The following DYNC2LI1 variants were observed in gnomAD, a reference collection of about 807,000 sequenced individuals.
DYNC2LI1 encodes dynein cytoplasmic 2 light intermediate chain 1.
DYNC2LI1 carries 45 observed loss-of-function variants against 51.9 expected under a neutral mutation model. The ratio of observed to expected loss-of-function variants is 0.87; its 90% CI spans 0.68 to 1.11. The LOEUF is 1.11. DYNC2LI1 is among the 50% of genes most tolerant of loss of function. The probability of loss-of-function intolerance (pLI) is 0.00; values close to 1 mark genes in which losing one functional copy is unlikely to be tolerated. For missense variants in DYNC2LI1, 490 were observed against 417.4 expected (o/e 1.17, Z -1.51); for synonymous variants, 130 against 137.8 (o/e 0.94, Z 0.40).
At chr2:43,796,843 TG>T (rs1665878202) in intron 8 of DYNC2LI1, 48 bp downstream of exon 8, 4 of 1,486,102 alleles carry the variant, frequency 2.7e-6, no homozygotes, top group Non-Finnish European at 3.7e-6. Flanking sequence ...GTACCAAATT[TG>T]GGGAAATCAG....
the DYNC2LI1 span, chr2:43,824,640 A>C: frequency 7.1e-6 from 7 of 985,274 alleles, no homozygotes; most frequent in African/African-American, 1.2e-4. Context: ...GAGAATTCAG[A>C]AGCTCAGCTA....
rs894464290 is a variant in DYNC2LI1 at position 43,786,794 on chromosome 2, C to G, written c.162-387C>G. Among the ~76,000 whole-genome samples the G allele has an allele frequency of 2.6e-5, 4 of 152,242 alleles. No homozygotes were observed. The South Asian group carries it at 8.3e-4, about 32-fold the overall frequency. The stretch of plus-strand genomic sequence containing the variant: ...TGAGCCAAGATCGTGCCACTGCACT[C>G]CAGCCTGGGCGACAAAGCAAGACTC... On this transcript the variant is annotated intron_variant, in intron 3 of 12. Coordinates refer to ENST00000260605, the MANE Select transcript of DYNC2LI1 (RefSeq NM_016008.4).
chr2:43,813,216 C>G (rs374012053), downstream of DYNC2LI1: 46 of 1,611,330 alleles, frequency 2.9e-5, no homozygotes, highest in East Asian at 8.7e-4. Context: ...CATTGTGAAT[C>G]TAGATGTTGC....
the DYNC2LI1 span, among the ~76,000 whole-genome samples, chr2:43,822,305 C>G: frequency 6.6e-6 from 1 of 152,172 alleles, no homozygotes; most frequent in Non-Finnish European, 1.5e-5. Context: ...GTGTTTATGA[C>G]ACTTCCTTGA....
At chr2:43,777,909 C>T (rs750424307) in intron 2 of DYNC2LI1, among the ~76,000 whole-genome samples, 2 of 152,124 alleles carry the variant, frequency 1.3e-5, no homozygotes, top group Non-Finnish European at 2.9e-5. Flanking sequence ...AAAAGCAGGA[C>T]ACAAGTGTCA....
At chr2:43,825,115 T>G in the DYNC2LI1 span, 2 of 1,452,818 alleles carry the variant, frequency 1.4e-6, no homozygotes, top group Non-Finnish European at 9.5e-7. Flanking sequence ...AGGTCAGGTA[T>G]TCCTTATGGT....
At position 43,804,119 on chromosome 2, in the gene DYNC2LI1, T is replaced by C. The variant is rs577436754; in HGVS notation, c.803-523T>C. Among the ~76,000 whole-genome samples the C allele has an allele frequency of 4.9e-4, 75 of 152,348 alleles. 1 individual carries two copies. The highest frequency in any genetic ancestry group is 1.5e-3 in the South Asian group (7 of 4,824). ...TATTATTCAGTACCTTTTAATTCAA[T>C]ATACCAATATACCTTAGTAGTTTTT... On this transcript the variant is annotated intron_variant, in intron 10 of 12. Coordinates refer to ENST00000260605, the MANE Select transcript of DYNC2LI1 (RefSeq NM_016008.4).
Position 43,789,659 on chromosome 2 carries a change from A to T in DYNC2LI1, c.258A>T (p.Glu86Asp). The T allele has an allele frequency of 6.2e-7, 1 of 1,613,938 alleles. No individual in the cohort carries two copies. Among genetic ancestry groups the T allele is most frequent in the Non-Finnish European group, 8.5e-7 (1 of 1,179,914 alleles). The change falls in exon 5 of 13, where the codon GAA becomes GAT. Residue 86 changes from glutamate to aspartate, a missense_variant. Physicochemically the swap from Glu to Asp is conservative, Grantham distance 45. Coordinates refer to ENST00000260605, the MANE Select transcript of DYNC2LI1 (RefSeq NM_016008.4). ...CAAAAGATATCGCTCACTTTTGGGA[A>T]CTCGGTGGAGGAACCTCTTTATTGG... ...NTPKDIAHFW[E>D]LGGGTSLLDL... is the part of the protein sequence containing the mutation.
intron 1 of DYNC2LI1, chr2:43,775,703 T>G: frequency 2.6e-6 from 1 of 389,250 alleles, no homozygotes; most frequent in Non-Finnish European, 5.0e-6. Context: ...TTTTTTTTTT[T>G]TTTAGACAGA....
At chr2:43,824,961 C>G in the DYNC2LI1 span, 1 of 1,614,044 alleles carries the variant, frequency 6.2e-7, no homozygotes, top group Non-Finnish European at 8.5e-7. Flanking sequence ...AGCATTTCCG[C>G]TGGCGTGCCA....
chr2:43,805,044 A>G, intron 11 of DYNC2LI1, 110 bp from the exon 12 acceptor site: 1 of 695,170 alleles, frequency 1.4e-6, no homozygotes, highest in Non-Finnish European at 2.5e-6. Flanking sequence ...GAAAGATCAT[A>G]GAGAGCCTTT....
In DYNC2LI1 at chr2:43,789,679, T is replaced by C. The variant is rs1405995235; in HGVS notation, c.278T>C (p.Leu93Ser). Residue 93 changes from leucine (L) to serine (S), a missense_variant, in exon 5 of 13, where the codon TTA becomes TCA. Transcript: ENST00000260605. Reference protein sequence around the residue: ...HFWELGGGTSLLDLISIPITG... With the variant: ...HFWELGGGTSSLDLISIPITG... ...TGGGAACTCGGTGGAGGAACCTCTT[T>C]ATTGGACTTAATCAGCATACCCATC... The C allele has an allele frequency of 6.2e-6, 10 of 1,613,868 alleles. No individual in the cohort carries two copies. Among genetic ancestry groups the C allele is most frequent in the African/African-American group, 2.7e-5 (2 of 74,924 alleles).
chr2:43,790,426 G>C (rs1324828496), intron 5 of DYNC2LI1, among the ~76,000 whole-genome samples: 1 of 152,134 alleles, frequency 6.6e-6, no homozygotes, highest in Non-Finnish European at 1.5e-5. Flanking sequence ...AATACAAAGG[G>C]CTTGACAATT....
the DYNC2LI1 span, chr2:43,824,014 C>T: frequency 1.6e-5 from 26 of 1,614,196 alleles, no homozygotes; most frequent in Middle Eastern, 1.6e-4. Context: ...CACATTGCTT[C>T]GGACCCGCAG....
the DYNC2LI1 span, chr2:43,823,926 G>C: frequency 1.9e-6 from 3 of 1,614,026 alleles, no homozygotes; most frequent in East Asian, 6.7e-5. Context: ...GATTCACAGC[G>C]TTCAGCATGC....
chr2:43,804,515 A>G (rs1306990826), intron 10 of DYNC2LI1, 127 bp from the exon 11 acceptor site: 15 of 606,296 alleles, frequency 2.5e-5, no homozygotes, highest in Non-Finnish European at 4.2e-5. Flanking sequence ...TTTTATGGTG[A>G]CTATATTAAG....
the DYNC2LI1 span, among the ~76,000 whole-genome samples, chr2:43,826,675 C>G: frequency 6.6e-6 from 1 of 152,206 alleles, no homozygotes; most frequent in Non-Finnish European, 1.5e-5. Flanking sequence ...TCAGCCTGAG[C>G]TCAGGAGAAA....
At chr2:43,778,790 T>C (rs1375172800) in intron 2 of DYNC2LI1, among the ~76,000 whole-genome samples, 1 of 152,220 alleles carries the variant, frequency 6.6e-6, no homozygotes, top group Non-Finnish European at 1.5e-5. Context: ...TACCCTGTTT[T>C]GTCTTGTTTT....
Position 43,809,550 on chromosome 2 carries a change from A to G in DYNC2LI1, c.994-155A>G, listed in dbSNP as rs4953018. ...TATTTCTAGAAAATAAGTCCTAAGC[A>G]TAATCATTTACAAAATAATTGGCAA... On this transcript the variant is annotated intron_variant, in intron 12 of 12. Transcript: ENST00000260605. Among the ~76,000 whole-genome samples the G allele has an allele frequency of 0.24, 36,750 of 152,152 alleles. 5,008 individuals carry two copies. Among genetic ancestry groups the G allele is most frequent in the African/African-American group, 0.36 (14,982 of 41,478 alleles).
Sources: gnomAD v4.1 joint callset for allele counts (sites outside exome capture counted in the v4.1 genomes callset) on GRCh38, gnomAD v4.1.1 for gene constraint, MANE v1.5 for transcripts, NCBI Gene and HGNC (gene_info 2026-07-23, HGNC 2026-07-21) for gene names.